JCAD: variants seen among roughly 807,000 people sequenced by gnomAD.
JCAD encodes junctional cadherin 5 associated, also known as junctional cadherin 5-associated protein.
A neutral mutation model predicts 98.0 loss-of-function variants in JCAD; 40 were observed. The ratio of observed to expected loss-of-function variants is 0.41; its 90% CI spans 0.32 to 0.53. The LOEUF (loss-of-function observed/expected upper bound fraction) is 0.53, where lower values mean the gene tolerates loss of function less well. Among genes scored for constraint, JCAD ranks in the 20% least tolerant of loss-of-function variants. The pLI is 0.31. For missense variants in JCAD, 1,705 were observed against 1,738.1 expected (o/e 0.98, Z 0.34); for synonymous variants, 691 against 682.3 (o/e 1.01, Z -0.20).
At position 30,068,205 on chromosome 10, in the gene JCAD, A is replaced by C. The variant is rs1837817711; in HGVS notation, n.250+1495T>G. ...GGAGTTCGAGACCAGCCTGGCCAAC[A>C]TGGCAAAACCCCATGTCTACTAAAA... On this transcript the variant is annotated intron_variant and non_coding_transcript_variant, in intron 2 of 2. Coordinates refer to the JCAD transcript ENST00000465712. Among the ~76,000 whole-genome samples the C allele has an allele frequency of 2.0e-5, 3 of 152,192 alleles. No individual in the cohort carries two copies. In the South Asian group the frequency reaches 6.2e-4, roughly 32 times the overall value.
At chr10:30,095,173 A>G (rs573881938) in intron 1 of JCAD, among the ~76,000 whole-genome samples, 2 of 151,798 alleles carry the variant, frequency 1.3e-5, no homozygotes, top group East Asian at 3.9e-4. Context: ...TCATGCCTCT[A>G]TTTTTCTTTC....
rs529345351 is a variant in JCAD at position 30,025,450 on chromosome 10, G to A, written c.4045+653C>T. 2.5e-3 allele frequency among the ~76,000 whole-genome samples: 373 copies of A among 150,404 alleles called. 1 individual carries two copies. Among genetic ancestry groups the A allele is most frequent in the African/African-American group, 8.6e-3 (352 of 41,026 alleles). ...GGAGAATCGCTTGCACCCAGGAGGC[G>A]GAGGTTGCAGTGAGCCGAGATCGTG... On this transcript the variant is annotated intron_variant, in intron 3 of 3. Coordinates refer to ENST00000375377, the MANE Select transcript of JCAD (RefSeq NM_020848.4).
At chr10:30,047,071 A>G (rs763468019) in intron 2 of JCAD, among the ~76,000 whole-genome samples, 5 of 152,142 alleles carry the variant, frequency 3.3e-5, no homozygotes, top group Non-Finnish European at 7.4e-5. Context: ...TGGGCAACAG[A>G]GTGAGACCTT....
intron 1 of JCAD, among the ~76,000 whole-genome samples, chr10:30,100,527 A>C (rs1248755855): frequency 1.3e-5 from 2 of 152,008 alleles, no homozygotes; most frequent in Admixed American, 1.3e-4. Flanking sequence ...TATTACAGGC[A>C]CCCACCACCA....
At position 30,059,583 on chromosome 10, in the gene JCAD, G is replaced by A. The variant is rs1474114178; in HGVS notation, c.-161C>T. ...GCCTGCAGCCGCCGAGGCCGAGCATGCCCGGAGAACCGCCGTCCGCCCCGC... is the reference window on the plus strand; with the variant it reads ...GCCTGCAGCCGCCGAGGCCGAGCATACCCGGAGAACCGCCGTCCGCCCCGC... On this transcript the variant is annotated 5_prime_UTR_variant, in exon 1 of 4. Coordinates refer to ENST00000375377, the MANE Select transcript of JCAD (RefSeq NM_020848.4). This position sits in a 1 kb window ranked among gnomAD's most constrained non-coding sequence, Gnocchi z 5.0. 1 of 132,148 alleles carries A rather than the reference G, an allele frequency of 7.6e-6. No homozygotes were observed. The highest frequency in any genetic ancestry group is 1.5e-5 in the Non-Finnish European group (1 of 66,818). The allele number at this position is 132,148 out of a possible 1,614,324, so 8.2% of individuals were successfully genotyped here.
intron 1 of JCAD, among the ~76,000 whole-genome samples, chr10:30,089,788 A>C (rs897601318): frequency 6.6e-6 from 1 of 152,172 alleles, no homozygotes; most frequent in East Asian, 1.9e-4. Flanking sequence ...ATGAACAGCA[A>C]GGCTTTTCTG....
At chr10:30,044,921 C>A in intron 2 of JCAD, 6 of 312,670 alleles carry the variant, frequency 1.9e-5, no homozygotes, top group Non-Finnish European at 2.3e-5. Context: ...AACATGTATG[C>A]ATTTGCTATT....
intron 2 of JCAD, among the ~76,000 whole-genome samples, chr10:30,033,319 G>A (rs1235136453): frequency 6.6e-6 from 1 of 152,176 alleles, no homozygotes; most frequent in Non-Finnish European, 1.5e-5. Context: ...ACATTGATGT[G>A]GATTCTATTC....
rs1836540285 is a variant in JCAD at position 30,016,614 on chromosome 10, T to A, written c.*1269A>T. On this transcript the variant is annotated 3_prime_UTR_variant, in exon 4 of 4. Transcript: ENST00000375377. Reference sequence around the variant, plus strand: ...GCACTTTCTAAAAATATGCAGAGACTAATTCAAGATCATTCTAGATAAAAA... The same window carrying A: ...GCACTTTCTAAAAATATGCAGAGACAAATTCAAGATCATTCTAGATAAAAA... 6.6e-6 allele frequency: 1 copy of A among 152,054 alleles called. No individual in the cohort carries two copies. The highest frequency in any genetic ancestry group is 1.5e-5 in the Non-Finnish European group (1 of 67,998). The allele number at this position is 152,054 out of a possible 1,614,324, so 9.4% of individuals were successfully genotyped here.
chr10:30,092,296 G>T (rs1349724464), intron 1 of JCAD, among the ~76,000 whole-genome samples: 3 of 150,938 alleles, frequency 2.0e-5, no homozygotes, highest in Non-Finnish European at 4.4e-5. Context: ...TGTGCACCGG[G>T]ACCCAGGGAA....
At chr10:30,099,071 G>A (rs563079496) in intron 1 of JCAD, among the ~76,000 whole-genome samples, 1 of 152,044 alleles carries the variant, frequency 6.6e-6, no homozygotes, top group African/African-American at 2.4e-5. Flanking sequence ...CCTTCACCCA[G>A]GATTTTTCTA....
chr10:30,114,213 T>C (rs1332950389), intron 1 of JCAD, among the ~76,000 whole-genome samples: 3 of 152,186 alleles, frequency 2.0e-5, no homozygotes, highest in African/African-American at 7.2e-5. Context: ...AATTTGGCAC[T>C]TCATTTTGTG....
upstream of JCAD, among the ~76,000 whole-genome samples, chr10:30,063,152 G>GAAAAAAAAA (rs34177789): frequency 6.9e-6 from 1 of 145,808 alleles, no homozygotes; most frequent in Non-Finnish European, 1.5e-5. Context: ...TTAAACACAG[G>GAAAAAAAAA]AAAAAAAAAA....
rs1337786667 is a variant in JCAD, at chr10:30,045,244, G to A, written c.281+2288C>T. On this transcript the variant is annotated intron_variant, in intron 2 of 3. Coordinates refer to ENST00000375377, the MANE Select transcript of JCAD (RefSeq NM_020848.4). ...ACAGAATTCTAAAGGGGATTCTCCTGCCTCCCACCGTGAGACTCAACTCTG... is the reference window on the plus strand; with the variant it reads ...ACAGAATTCTAAAGGGGATTCTCCTACCTCCCACCGTGAGACTCAACTCTG... 2.0e-5 allele frequency among the ~76,000 whole-genome samples: 3 copies of A among 152,048 alleles called. No homozygotes were observed. In the East Asian group the frequency reaches 5.8e-4, roughly 29 times the overall value.
intron 3 of JCAD, 75 bp from the exon 4 acceptor site, chr10:30,017,992 G>T: frequency 8.6e-7 from 1 of 1,160,022 alleles, no homozygotes. Flanking sequence ...CTTAGACCAC[G>T]AATTTGTCTA....
intron 1 of JCAD, among the ~76,000 whole-genome samples, chr10:30,112,638 G>A (rs55842325): frequency 0.069 from 10,480 of 152,000 alleles, 515 homozygotes; most frequent in African/African-American, 0.13. Flanking sequence ...TTTGGAAGCC[G>A]ACATGGGTGG....
At chr10:30,070,219 A>T (rs1050990721) in intron 1 of JCAD, among the ~76,000 whole-genome samples, 1 of 152,240 alleles carries the variant, frequency 6.6e-6, no homozygotes, top group Non-Finnish European at 1.5e-5. Flanking sequence ...ATAACTGTGA[A>T]AATCCAAAGC....
At chr10:30,067,609 T>C (rs2132667197) in intron 2 of JCAD, among the ~76,000 whole-genome samples, 1 of 151,210 alleles carries the variant, frequency 6.6e-6, no homozygotes. Context: ...ATTACAGGCG[T>C]AAGCCACTGC....
At chr10:30,019,835 G>A (rs1836620259) in intron 3 of JCAD, among the ~76,000 whole-genome samples, 2 of 151,810 alleles carry the variant, frequency 1.3e-5, no homozygotes, top group Admixed American at 6.6e-5. Flanking sequence ...CTTGACTGGG[G>A]TACTCATTTC....
Sources: allele counts gnomAD v4.1 joint callset (sites outside exome capture counted in the v4.1 genomes callset), GRCh38; gene constraint gnomAD v4.1.1; non-coding constraint Gnocchi (gnomAD v3.1); transcripts MANE v1.5; gene names NCBI Gene and HGNC (gene_info 2026-07-23, HGNC 2026-07-21).